CTNNA2: variants seen among roughly 807,000 people sequenced by gnomAD.
CTNNA2 encodes the protein catenin alpha-2.
CTNNA2 carries 42 observed loss-of-function variants against 101.0 expected under a neutral mutation model. That is an observed-to-expected ratio of 0.42 (90% CI 0.32 to 0.54). The LOEUF (loss-of-function observed/expected upper bound fraction) is 0.54. Among genes scored for constraint, CTNNA2 ranks in the 20% least tolerant of loss-of-function variants. CTNNA2 has a pLI of 0.14. For missense variants in CTNNA2, 871 were observed against 1,223.1 expected (o/e 0.71, Z 4.29); for synonymous variants, 450 against 456.4 (o/e 0.99, Z 0.18).
In CTNNA2 at chr2:79,577,234, T is replaced by A. The variant is rs1344179504; in HGVS notation, c.-6+64027T>A. ...TACCCCCAAGTAGTTTCAAAATGTT[T>A]AATGCCTTCTTCATTCTGTGAATAA... On this transcript the variant is annotated intron_variant, in intron 1 of 18. Transcript: ENST00000402739. Among the ~76,000 whole-genome samples the A allele has an allele frequency of 8.5e-5, 13 of 152,154 alleles. 1 individual carries two copies. The highest frequency in any genetic ancestry group is 1.9e-4 in the Non-Finnish European group (13 of 67,970).
At chr2:79,279,749 T>C (rs938018078) in intron 2 of CTNNA2, among the ~76,000 whole-genome samples, 1 of 152,106 alleles carries the variant, frequency 6.6e-6, no homozygotes, top group African/African-American at 2.4e-5. Context: ...ACAGCTCATA[T>C]GCAATTCCTC....
chr2:80,089,738 CT>C (rs1368665987), intron 7 of CTNNA2, among the ~76,000 whole-genome samples: 2 of 152,034 alleles, frequency 1.3e-5, no homozygotes, highest in African/African-American at 4.8e-5. Context: ...CCACCCCATT[CT>C]GCTTTCTCAT....
chr2:79,632,170 G>A (rs1262630193), intron 1 of CTNNA2, among the ~76,000 whole-genome samples: 1 of 151,830 alleles, frequency 6.6e-6, no homozygotes, highest in Non-Finnish European at 1.5e-5. Context: ...TATTAAAGCA[G>A]AAATTAAAAT....
At chr2:80,244,046 G>A (rs1573495217) in intron 7 of CTNNA2, among the ~76,000 whole-genome samples, 1 of 152,254 alleles carries the variant, frequency 6.6e-6, no homozygotes, top group East Asian at 1.9e-4. Context: ...TTGGCTGGAC[G>A]AAGAAGAAAA....
intron 16 of CTNNA2, 123 bp downstream of exon 16, chr2:80,604,302 C>A: frequency 5.5e-6 from 4 of 728,068 alleles, no homozygotes; most frequent in Middle Eastern, 2.4e-4. Context: ...GGGAGAATCA[C>A]TGATATTTTA....
chr2:79,245,205 C>T (rs778908685), intron 2 of CTNNA2, among the ~76,000 whole-genome samples: 1 of 152,300 alleles, frequency 6.6e-6, no homozygotes, highest in Admixed American at 6.5e-5. Context: ...AATCTCAGCA[C>T]TTTAGGAGGC....
intron 9 of CTNNA2, among the ~76,000 whole-genome samples, chr2:80,520,869 A>G (rs1187603651): frequency 6.6e-6 from 1 of 152,184 alleles, no homozygotes; most frequent in East Asian, 1.9e-4. Flanking sequence ...TTTGTCAGTA[A>G]AAAAGAGTGG....
chr2:79,864,832 G>C (rs1249044732), intron 4 of CTNNA2, among the ~76,000 whole-genome samples: 1 of 152,164 alleles, frequency 6.6e-6, no homozygotes, highest in African/African-American at 2.4e-5. Flanking sequence ...TACTTGCTGT[G>C]AGACTTCTGA....
Position 80,318,193 on chromosome 2 carries a change from C to G in CTNNA2, c.1057-75018C>G, listed in dbSNP as rs1034776154. Among the ~76,000 whole-genome samples the G allele has an allele frequency of 2.6e-5, 4 of 152,304 alleles. No homozygotes were observed. In the East Asian group the frequency reaches 7.7e-4, roughly 29 times the overall value. On this transcript the variant is annotated intron_variant, in intron 7 of 18. Coordinates refer to ENST00000402739, the MANE Select transcript of CTNNA2 (RefSeq NM_001282597.3). The stretch of plus-strand genomic sequence containing the variant: ...AATAGTCTTTTCTTTGAAGAGTTCA[C>G]TCACTAGTAGGAGAATCATACTCCC...
chr2:79,593,081 T>TTA (rs1215393014), intron 1 of CTNNA2, among the ~76,000 whole-genome samples: 2 of 152,178 alleles, frequency 1.3e-5, no homozygotes, highest in Admixed American at 1.3e-4. Flanking sequence ...CAAAATGGAA[T>TTA]TATATATATA....
At chr2:80,402,129 A>G (rs532630484) in intron 8 of CTNNA2, among the ~76,000 whole-genome samples, 39 of 152,298 alleles carry the variant, frequency 2.6e-4, no homozygotes, top group Admixed American at 2.5e-3. Context: ...GAACTCAGGG[A>G]AACTGCACAC....
intron 7 of CTNNA2, among the ~76,000 whole-genome samples, chr2:80,307,830 G>C (rs1034610634): frequency 6.6e-6 from 1 of 152,210 alleles, no homozygotes; most frequent in Admixed American, 6.5e-5. Context: ...GCCAACATGT[G>C]ATTGGGCACT....
At chr2:79,345,827 G>A (rs1233098862) in intron 3 of CTNNA2, among the ~76,000 whole-genome samples, 1 of 149,704 alleles carries the variant, frequency 6.7e-6, no homozygotes, top group Non-Finnish European at 1.5e-5. Flanking sequence ...CGCATAGCTG[G>A]TATTACAGGC....
At chr2:80,383,001 T>C (rs995029467) in intron 7 of CTNNA2, among the ~76,000 whole-genome samples, 1 of 152,236 alleles carries the variant, frequency 6.6e-6, no homozygotes, top group Non-Finnish European at 1.5e-5. Flanking sequence ...ACTGTAAAGA[T>C]GAAATGGCAT....
intron 8 of CTNNA2, among the ~76,000 whole-genome samples, chr2:80,413,122 C>G (rs1053228929): frequency 1.3e-5 from 2 of 152,144 alleles, no homozygotes; most frequent in East Asian, 3.9e-4. Context: ...ACTATCAGCA[C>G]TCACAGAGAA....
intron 7 of CTNNA2, among the ~76,000 whole-genome samples, chr2:80,118,762 C>A (rs907361329): frequency 5.3e-5 from 8 of 152,282 alleles, no homozygotes; most frequent in African/African-American, 1.7e-4. Context: ...TGAGAAGTAG[C>A]AGGCCACAGG....
chr2:80,469,632 G>A (rs1466146705), intron 9 of CTNNA2, among the ~76,000 whole-genome samples: 1 of 152,174 alleles, frequency 6.6e-6, no homozygotes, highest in Non-Finnish European at 1.5e-5. Flanking sequence ...CCTGAGATTG[G>A]CTAATAAGGT....
At chr2:79,406,533 G>A (rs114630479) in intron 4 of CTNNA2, among the ~76,000 whole-genome samples, 4,306 of 151,978 alleles carry the variant, frequency 0.028, 72 homozygotes, top group Middle Eastern at 0.048. Flanking sequence ...ATCTCCTCAA[G>A]GGCATCCTAC....
chr2:79,431,674 G>T (rs1678660724), intron 4 of CTNNA2, among the ~76,000 whole-genome samples: 1 of 152,130 alleles, frequency 6.6e-6, no homozygotes, highest in South Asian at 2.1e-4. Flanking sequence ...AATGCAATCT[G>T]CAATGCACTA....
Sources: gnomAD v4.1 joint callset for allele counts (sites outside exome capture counted in the v4.1 genomes callset) on GRCh38, gnomAD v4.1.1 for gene constraint, MANE v1.5 for transcripts, NCBI Gene and HGNC (gene_info 2026-07-23, HGNC 2026-07-21) for gene names.